Variants in BRWD1 observed in about 807,000 individuals in gnomAD.
BRWD1 encodes bromodomain and WD repeat-containing protein 1.
BRWD1 carries 82 observed loss-of-function variants against 251.2 expected under a neutral mutation model. That is an observed-to-expected ratio of 0.33 (90% CI 0.27 to 0.39). The LOEUF (loss-of-function observed/expected upper bound fraction) is 0.39. Ranked by LOEUF, BRWD1 falls within the 10% of genes least tolerant of loss-of-function variation. The probability of loss-of-function intolerance (pLI) is 1.00; values close to 1 mark genes in which losing one functional copy is unlikely to be tolerated. For missense variants in BRWD1, 2,233 were observed against 2,711.6 expected, an observed-to-expected ratio of 0.82 and a Z score of 3.92; for synonymous variants, 918 against 902.8, an observed-to-expected ratio of 1.02 and a Z score of -0.30.
intron 31 of BRWD1, chr21:39,216,627 G>T: frequency 3.0e-6 from 1 of 334,558 alleles, no homozygotes; most frequent in South Asian, 3.0e-5. Flanking sequence ...AGAAGTATAT[G>T]ACTGTATAAA....
intron 4 of BRWD1, among the ~76,000 whole-genome samples, chr21:39,299,212 A>G (rs148457782): frequency 5.9e-4 from 89 of 150,976 alleles, no homozygotes; most frequent in Non-Finnish European, 1.1e-3. Flanking sequence ...AACAAGAAAA[A>G]AATATATATA....
chr21:39,199,096 C>CTGCTGG lies in BRWD1; in HGVS notation c.5319_5320insCCAGCA (p.Ala1773_Gly1774insProAla), dbSNP rs1281288916. 2.5e-6 allele frequency: 4 copies of CTGCTGG among 1,613,878 alleles called. No homozygotes were observed. In the African/African-American group the frequency reaches 4.0e-5, roughly 16 times the overall value. ...AGTTTCTGCACAGACGTTGATGGGC[C>CTGCTGG]AGCAGTTCTGTTACATGCATGATCT... On this transcript the variant is annotated inframe_insertion, in exon 40 of 41. Transcript: ENST00000342449.
chr21:39,279,904 T>A (rs2146701742), intron 9 of BRWD1, among the ~76,000 whole-genome samples: 1 of 152,274 alleles, frequency 6.6e-6, no homozygotes. Flanking sequence ...AATGCCTTAC[T>A]TTGTCTTTGC....
At chr21:39,256,516 A>G (rs938503091) in intron 18 of BRWD1, among the ~76,000 whole-genome samples, 3 of 152,184 alleles carry the variant, frequency 2.0e-5, no homozygotes, top group African/African-American at 7.2e-5. Flanking sequence ...GTGATGAGGC[A>G]ATGAAGACAA....
In BRWD1 at chr21:39,191,304, G is replaced by C; in HGVS notation, c.*4955C>G. ...GCGCTCGCACCCCTATATTCTGCCT[G>C]CATGAAAAGAAATTACCAGTGGAAA... On this transcript the variant is annotated 3_prime_UTR_variant, in exon 41 of 41. Coordinates refer to ENST00000342449, the MANE Select transcript of BRWD1 (RefSeq NM_033656.4). 1 of 985,280 alleles carries C rather than the reference G, an allele frequency of 1.0e-6. No individual in the cohort carries two copies. Among genetic ancestry groups the C allele is most frequent in the African/African-American group, 1.7e-5 (1 of 57,288 alleles). The allele number at this position is 985,280 out of a possible 1,614,324, so 61.0% of individuals were successfully genotyped here.
intron 23 of BRWD1, among the ~76,000 whole-genome samples, chr21:39,233,665 T>C (rs1459178613): frequency 1.3e-5 from 2 of 152,162 alleles, no homozygotes; most frequent in Admixed American, 6.5e-5. Context: ...AGTTTCAGAT[T>C]TGGAAAGGTT....
intron 1 of BRWD1, among the ~76,000 whole-genome samples, chr21:39,319,838 A>G (rs1243494226): frequency 6.6e-6 from 1 of 152,132 alleles, no homozygotes; most frequent in East Asian, 1.9e-4. Context: ...CCACCTAATT[A>G]ATCCTGTCAT....
chr21:39,299,943 T>C (rs1160266757), intron 4 of BRWD1, among the ~76,000 whole-genome samples: 5 of 151,794 alleles, frequency 3.3e-5, no homozygotes, highest in Non-Finnish European at 1.5e-5. Context: ...GATCATGCTA[T>C]AGCACTCCAC....
intron 31 of BRWD1, chr21:39,216,690 C>A: frequency 2.4e-6 from 1 of 419,618 alleles, no homozygotes; most frequent in Non-Finnish European, 4.7e-6. Context: ...CTACAATAAA[C>A]TTAGAGAAAC....
chr21:39,227,300 G>A (rs2033422411), intron 27 of BRWD1, among the ~76,000 whole-genome samples: 1 of 152,106 alleles, frequency 6.6e-6, no homozygotes, highest in African/African-American at 2.4e-5. Flanking sequence ...ATAAAAGAAC[G>A]AACCATCCTA....
chr21:39,267,517 T>G (rs1601420791), intron 15 of BRWD1, among the ~76,000 whole-genome samples: 2 of 152,266 alleles, frequency 1.3e-5, no homozygotes, highest in Non-Finnish European at 2.9e-5. Context: ...GAGAATGGCG[T>G]GAACCCGGGA....
chr21:39,218,867 CAAATTAA>C (rs1262900507), intron 29 of BRWD1, among the ~76,000 whole-genome samples: 4 of 152,094 alleles, frequency 2.6e-5, no homozygotes, highest in Non-Finnish European at 4.4e-5. Context: ...CCTACCCTAA[CAAATTAA>C]AAATTAAAAA....
At chr21:39,283,132 T>G (rs2035525526) in intron 8 of BRWD1, among the ~76,000 whole-genome samples, 2 of 152,212 alleles carry the variant, frequency 1.3e-5, no homozygotes, top group Admixed American at 6.5e-5. Context: ...ATAACAGCTC[T>G]AAAACATTTT....
At position 39,294,168 on chromosome 21, in the gene BRWD1, T is replaced by C. The variant is rs149384012; in HGVS notation, c.610-136A>G. The C allele has an allele frequency of 6.6e-5, 47 of 717,148 alleles. 2 individuals are homozygous for C. Among genetic ancestry groups the C allele is most frequent in the Middle Eastern group, 4.0e-4 (1 of 2,524 alleles). 44.4% of individuals were successfully genotyped at this position (717,148 alleles called of 1,614,324 possible). ...AATACTCTCTTATTTATGTAATAAA[T>C]TATGACTATGGTCAGAACACCTATG... On this transcript the variant is annotated intron_variant, in intron 7 of 40. Coordinates refer to ENST00000342449, the MANE Select transcript of BRWD1 (RefSeq NM_033656.4).
intron 13 of BRWD1, among the ~76,000 whole-genome samples, chr21:39,272,810 C>G (rs1027866091): frequency 6.6e-6 from 1 of 152,010 alleles, no homozygotes; most frequent in South Asian, 2.1e-4. Context: ...CAGGGTTTCA[C>G]CATGTTGGCC....
At position 39,304,141 on chromosome 21, in the gene BRWD1, C is replaced by CAAAA. The variant is rs56990201; in HGVS notation, c.199-5563_199-5560dup. Among the ~76,000 whole-genome samples the CAAAA allele has an allele frequency of 2.8e-3, 332 of 117,882 alleles. 2 individuals carry two copies. Among genetic ancestry groups the CAAAA allele is most frequent in the Non-Finnish European group, 4.3e-3 (249 of 57,746 alleles). 77.3% of individuals were successfully genotyped at this position (117,882 alleles called of 152,430 possible). On this transcript the variant is annotated intron_variant, in intron 4 of 40. Transcript: ENST00000342449. ...GGGCAACCAGAGTGAAACTCTTTCT[C>CAAAA]AAAAAAAAAAAAAAAAAAAAAGAGA...
chr21:39,301,578 C>T (rs76988974), intron 4 of BRWD1, among the ~76,000 whole-genome samples: 3,747 of 152,238 alleles, frequency 0.025, 77 homozygotes, highest in Non-Finnish European at 0.039. Flanking sequence ...CCCAGTTCTG[C>T]CAATATTTTG....
chr21:39,212,326 A>C (rs1366013353), intron 34 of BRWD1, among the ~76,000 whole-genome samples: 1 of 152,200 alleles, frequency 6.6e-6, no homozygotes, highest in Non-Finnish European at 1.5e-5. Context: ...ACAGCCAGAC[A>C]CAGCCACTTT....
chr21:39,299,247 C>CAA (rs34445556), intron 4 of BRWD1, among the ~76,000 whole-genome samples: 1 of 114,756 alleles, frequency 8.7e-6, no homozygotes, highest in African/African-American at 3.3e-5. Context: ...TCGCCTGTCT[C>CAA]AAAAAAAAAA....
Sources: gnomAD v4.1 joint callset for allele counts (sites outside exome capture counted in the v4.1 genomes callset) on GRCh38, gnomAD v4.1.1 for gene constraint, MANE v1.5 for transcripts, NCBI Gene and HGNC (gene_info 2026-07-23, HGNC 2026-07-21) for gene names.